Variants in KAZN observed in about 807,000 individuals in gnomAD.
KAZN encodes the protein kazrin.
Under a neutral mutation model 87.4 loss-of-function variants are expected in KAZN, and 40 were observed. That is an observed-to-expected ratio of 0.46 (90% CI 0.36 to 0.60). KAZN has a LOEUF of 0.60. Among genes scored for constraint, KAZN ranks in the 20% least tolerant of loss-of-function variants. KAZN has a pLI of 0.00. For missense variants in KAZN, 898 were observed against 1,073.9 expected (o/e 0.84, Z 2.29); for synonymous variants, 466 against 458.3 (o/e 1.02, Z -0.22).
In KAZN at chr1:15,093,141, G is replaced by A. The variant is rs752123731; in HGVS notation, c.1223-1039G>A. On this transcript the variant is annotated intron_variant, in intron 8 of 14. Transcript: ENST00000376030. ...GGAGCCTCCTTCTGATGAATCCCGCGCAGTCAAAAGGTACCGCAGGTCTCT... is the reference window on the plus strand; with the variant it reads ...GGAGCCTCCTTCTGATGAATCCCGCACAGTCAAAAGGTACCGCAGGTCTCT... 5.3e-5 allele frequency among the ~76,000 whole-genome samples: 8 copies of A among 152,038 alleles called. No individual in the cohort carries two copies. In the South Asian group the frequency reaches 1.0e-3, roughly 20 times the overall value.
chr1:13,907,246 T>A (rs1639474014), intron 1 of KAZN, among the ~76,000 whole-genome samples: 1 of 152,166 alleles, frequency 6.6e-6, no homozygotes, highest in South Asian at 2.1e-4. Context: ...AGAGTCCCAC[T>A]GAAGGCTGGA....
At chr1:14,462,834 C>G (rs1667925676) in intron 2 of KAZN, among the ~76,000 whole-genome samples, 2 of 152,168 alleles carry the variant, frequency 1.3e-5, no homozygotes, top group African/African-American at 4.8e-5. Context: ...GATTCAGTTA[C>G]CTCCTGCAGG....
At chr1:14,150,034 C>G (rs1027206725) in intron 1 of KAZN, among the ~76,000 whole-genome samples, 18 of 152,276 alleles carry the variant, frequency 1.2e-4, no homozygotes, top group African/African-American at 4.1e-4. Flanking sequence ...TATATTTTCC[C>G]AGACTTTATA....
At chr1:14,881,192 G>A (rs1048965728) in intron 1 of KAZN, among the ~76,000 whole-genome samples, 2 of 152,206 alleles carry the variant, frequency 1.3e-5, no homozygotes, top group Non-Finnish European at 2.9e-5. Context: ...AGTCAGGTTA[G>A]GCTGAACACC....
At chr1:14,504,554 A>G (rs777745511) in intron 2 of KAZN, among the ~76,000 whole-genome samples, 10 of 152,226 alleles carry the variant, frequency 6.6e-5, no homozygotes, top group Non-Finnish European at 1.5e-4. Context: ...AGCTGATACG[A>G]TGGGATCTGC....
intron 2 of KAZN, among the ~76,000 whole-genome samples, chr1:14,575,181 G>T (rs942486195): frequency 1.3e-5 from 2 of 152,076 alleles, no homozygotes; most frequent in African/African-American, 4.8e-5. Flanking sequence ...AGCAGAGTGG[G>T]ATTTCAGTTG....
At chr1:14,082,585 C>T (rs1341167285) in intron 1 of KAZN, among the ~76,000 whole-genome samples, 1 of 152,156 alleles carries the variant, frequency 6.6e-6, no homozygotes, top group Non-Finnish European at 1.5e-5. Flanking sequence ...GGAAGGATAA[C>T]AAAATTAGAC....
intron 1 of KAZN, among the ~76,000 whole-genome samples, chr1:14,118,158 T>A (rs2157564): frequency 0.017 from 2,552 of 152,282 alleles, 75 homozygotes; most frequent in African/African-American, 0.058. Flanking sequence ...CAAAGAATGG[T>A]GAAAAGGCAA....
intron 2 of KAZN, among the ~76,000 whole-genome samples, chr1:14,378,928 A>C (rs1226440448): frequency 8.6e-5 from 13 of 151,638 alleles, no homozygotes; most frequent in Admixed American, 8.5e-4. Flanking sequence ...AAGGGAGTGC[A>C]TGCACTGATC....
At chr1:14,322,276 A>T (rs1489997887) in intron 2 of KAZN, among the ~76,000 whole-genome samples, 3 of 151,280 alleles carry the variant, frequency 2.0e-5, no homozygotes, top group South Asian at 2.1e-4. Flanking sequence ...ATAAATAAAT[A>T]AAGTAAGTAA....
At chr1:15,015,222 G>A (rs1004705354) in intron 2 of KAZN, among the ~76,000 whole-genome samples, 3 of 151,514 alleles carry the variant, frequency 2.0e-5, no homozygotes, top group Non-Finnish European at 2.9e-5. Context: ...GCGCGATCTC[G>A]GCTCACTGCA....
chr1:14,062,541 T>C (rs1642836992), intron 1 of KAZN, among the ~76,000 whole-genome samples: 1 of 152,178 alleles, frequency 6.6e-6, no homozygotes, highest in East Asian at 1.9e-4. Context: ...TATTGGGTAA[T>C]TGTTTACAAT....
chr1:14,487,744 C>T (rs567701186), intron 2 of KAZN, among the ~76,000 whole-genome samples: 3 of 152,286 alleles, frequency 2.0e-5, no homozygotes, highest in South Asian at 2.1e-4. Context: ...GAGGTGGTGG[C>T]AGTGCTGGTG....
Position 15,099,966 on chromosome 1 carries a change from C to T in KAZN, c.1548-1577C>T, listed in dbSNP as rs566822983. ...GTGACAGAGAAGGGCCCCTGGGTGA[C>T]GGTGACAGTGACAGTGAAGGGGAAC... On this transcript the variant is annotated intron_variant, in intron 10 of 14. Transcript: ENST00000376030. This position sits in a 1 kb window ranked among gnomAD's most constrained non-coding sequence, Gnocchi z 5.4. Among the ~76,000 whole-genome samples the T allele has an allele frequency of 6.6e-5, 10 of 152,154 alleles. No individual in the cohort carries two copies. The highest frequency in any genetic ancestry group is 3.9e-4 in the East Asian group (2 of 5,162).
intron 2 of KAZN, among the ~76,000 whole-genome samples, chr1:14,538,374 T>C (rs1672619223): frequency 6.6e-6 from 1 of 152,190 alleles, no homozygotes. Flanking sequence ...TCTATTTTTG[T>C]GCTATAACAA....
At position 15,034,882 on chromosome 1, in the gene KAZN, C is replaced by A. The variant is rs1324929929; in HGVS notation, c.552C>A (p.Arg184=). Reference sequence around the variant, plus strand: ...TCATCCGCAACTATGAGCAGCACCGCAAGGTCAGCCGCCGCCCTGCCCTCC... The same window carrying A: ...TCATCCGCAACTATGAGCAGCACCGAAAGGTCAGCCGCCGCCCTGCCCTCC... ...RDFIRNYEQH[R]KESEDAVKAL... Residue 184 remains arginine (R), a synonymous_variant, in exon 3 of 15, where the codon CGC becomes CGA. Coordinates refer to ENST00000376030, the MANE Select transcript of KAZN (RefSeq NM_201628.3). The A allele has an allele frequency of 1.2e-6, 2 of 1,613,552 alleles. No homozygotes were observed. Among genetic ancestry groups the A allele is most frequent in the African/African-American group, 2.7e-5 (2 of 74,882 alleles).
intron 1 of KAZN, among the ~76,000 whole-genome samples, chr1:14,087,300 A>G (rs1029517692): frequency 1.3e-5 from 2 of 152,184 alleles, no homozygotes; most frequent in Non-Finnish European, 2.9e-5. Flanking sequence ...TTATTGTTGT[A>G]TAGTGACCTT....
chr1:15,026,075 G>T (rs1003416455), intron 2 of KAZN, among the ~76,000 whole-genome samples: 1 of 152,168 alleles, frequency 6.6e-6, no homozygotes, highest in African/African-American at 2.4e-5. Flanking sequence ...TAAATTTGTG[G>T]CCTTGAACTT....
At chr1:14,721,810 T>C (rs917907657) in intron 1 of KAZN, among the ~76,000 whole-genome samples, 1 of 152,140 alleles carries the variant, frequency 6.6e-6, no homozygotes, top group Admixed American at 6.5e-5. Flanking sequence ...TTGAACTGGA[T>C]AAATAAGTAG....
Sources: gnomAD v4.1 joint callset for allele counts (sites outside exome capture counted in the v4.1 genomes callset) on GRCh38, gnomAD v4.1.1 for gene constraint, Gnocchi (gnomAD v3.1) non-coding constraint, MANE v1.5 for transcripts, NCBI Gene and HGNC (gene_info 2026-07-23, HGNC 2026-07-21) for gene names.